FOXO1: variants seen among roughly 807,000 people sequenced by gnomAD.
FOXO1 encodes forkhead box O1.
A neutral mutation model predicts 44.1 loss-of-function variants in FOXO1; 6 were observed. The ratio of observed to expected loss-of-function variants is 0.14; its 90% CI spans 0.07 to 0.27. The LOEUF (loss-of-function observed/expected upper bound fraction) is 0.27, where lower values mean the gene tolerates loss of function less well. FOXO1 is among the 10% of genes least tolerant of loss of function. The pLI, the probability that FOXO1 is intolerant of heterozygous loss-of-function variation, is 1.00. For missense variants in FOXO1, 737 were observed against 888.8 expected (o/e 0.83, Z 2.17); for synonymous variants, 380 against 362.7 (o/e 1.05, Z -0.54).
intron 1 of FOXO1, among the ~76,000 whole-genome samples, chr13:40,638,075 AAATTCT>A (rs1877219951): frequency 6.6e-6 from 1 of 152,196 alleles, no homozygotes; most frequent in Non-Finnish European, 1.5e-5. Context: ...GTATTTTAAA[AAATTCT>A]TGAAATTTGG....
At chr13:40,574,917 T>C (rs1482774873) in intron 1 of FOXO1, among the ~76,000 whole-genome samples, 2 of 152,202 alleles carry the variant, frequency 1.3e-5, no homozygotes, top group South Asian at 2.1e-4. Flanking sequence ...AAATATTTTG[T>C]TCGAAAATTG....
intron 1 of FOXO1, chr13:40,611,057 T>C (rs1309067100): frequency 1.1e-5 from 5 of 456,220 alleles, no homozygotes; most frequent in Non-Finnish European, 2.2e-5. Context: ...AGGAGAAAAG[T>C]TGTATCTTCA....
chr13:40,567,606 C>T (rs1206849528), intron 1 of FOXO1, among the ~76,000 whole-genome samples: 1 of 152,096 alleles, frequency 6.6e-6, no homozygotes, highest in East Asian at 1.9e-4. Context: ...CTTGTGTGCA[C>T]CTTGAGGGAG....
rs138057018 is a variant in FOXO1, at chr13:40,660,948, AAACAACAACAAC to A, written c.630+4623_630+4634del. Reference sequence around the variant, plus strand: ...AACAGAGTGAGACCCTGGCTCAGAAAAACAACAACAACAACAACAACAACAACAACAACAACA... The same window carrying A: ...AACAGAGTGAGACCCTGGCTCAGAAAAACAACAACAACAACAACAACAACA... On this transcript the variant is annotated intron_variant, in intron 1 of 2. Transcript: ENST00000379561. 4.3e-3 allele frequency among the ~76,000 whole-genome samples: 640 copies of A among 149,382 alleles called. 7 individuals are homozygous for A. Among genetic ancestry groups the A allele is most frequent in the East Asian group, 0.021 (103 of 4,996 alleles).
At position 40,603,353 on chromosome 13, in the gene FOXO1, CAAAAAAAAAAA is replaced by C. The variant is rs60741629; in HGVS notation, c.631-42504_631-42494del. On this transcript the variant is annotated intron_variant, in intron 1 of 2. Coordinates refer to ENST00000379561, the MANE Select transcript of FOXO1 (RefSeq NM_002015.4). ...GGAGACCCTAGTTGGCAGATGAATC[CAAAAAAAAAAA>C]AAAAAAAAAAGGTTGAGTTAAAGCA... Among the ~76,000 whole-genome samples the C allele has an allele frequency of 5.0e-4, 37 of 73,944 alleles. 1 individual carries two copies. Among genetic ancestry groups the C allele is most frequent in the South Asian group, 8.5e-4 (2 of 2,356 alleles). 48.5% of individuals were successfully genotyped at this position (73,944 alleles called of 152,430 possible). A position where few individuals can be genotyped will look rare whatever the true frequency, so the allele number is the denominator to read the frequency against.
intron 1 of FOXO1, among the ~76,000 whole-genome samples, chr13:40,627,586 A>G (rs971915092): frequency 6.6e-6 from 1 of 152,136 alleles, no homozygotes; most frequent in Non-Finnish European, 1.5e-5. Context: ...TAATCCCAGC[A>G]CTTTGGGAAG....
chr13:40,637,443 C>CA (rs894457880), intron 1 of FOXO1, among the ~76,000 whole-genome samples: 5,359 of 52,326 alleles, frequency 0.1, 137 homozygotes, highest in Middle Eastern at 0.11. Context: ...GACTCCATCA[C>CA]AAAAAAAAAA....
At chr13:40,620,799 C>CTTTTTTTTTTTTT (rs111991105) in intron 1 of FOXO1, among the ~76,000 whole-genome samples, 15 of 121,230 alleles carry the variant, frequency 1.2e-4, no homozygotes, top group Admixed American at 2.7e-4. Flanking sequence ...CTTCCCCTTG[C>CTTTTTTTTTTTTT]TTTTTTTTTT....
At chr13:40,598,666 G>A (rs567168473) in intron 1 of FOXO1, among the ~76,000 whole-genome samples, 1 of 152,280 alleles carries the variant, frequency 6.6e-6, no homozygotes, top group Non-Finnish European at 1.5e-5. Context: ...CCTTCCTAAT[G>A]TCCCATCTCT....
At chr13:40,577,489 T>G (rs969887745) in intron 1 of FOXO1, among the ~76,000 whole-genome samples, 3 of 152,166 alleles carry the variant, frequency 2.0e-5, no homozygotes, top group Non-Finnish European at 4.4e-5. Flanking sequence ...AAATATTTTG[T>G]AGAATGGGTC....
At chr13:40,634,834 C>T (rs1343131531) in intron 1 of FOXO1, among the ~76,000 whole-genome samples, 2 of 152,070 alleles carry the variant, frequency 1.3e-5, no homozygotes, top group Non-Finnish European at 2.9e-5. Flanking sequence ...CCCACCACCC[C>T]GCCCAGCTAA....
rs996484072 is a variant in FOXO1 at position 40,666,596 on chromosome 13, G to C, written c.-384C>G. 3.5e-5 allele frequency: 7 copies of C among 201,814 alleles called. No individual in the cohort carries two copies. The highest frequency in any genetic ancestry group is 7.1e-5 in the Non-Finnish European group (7 of 98,442). The allele number at this position is 201,814 out of a possible 1,614,324, so 12.5% of individuals were successfully genotyped here. On this transcript the variant is annotated 5_prime_UTR_variant, in exon 1 of 3. Transcript: ENST00000379561. Reference sequence around the variant, plus strand: ...CTGCTGCCTGTTGAATGTGGCGGCTGCGGCAGCGGCTGCTGCGACTACCAG... The same window carrying C: ...CTGCTGCCTGTTGAATGTGGCGGCTCCGGCAGCGGCTGCTGCGACTACCAG...
intron 1 of FOXO1, among the ~76,000 whole-genome samples, chr13:40,588,770 A>G (rs963523194): frequency 6.6e-6 from 1 of 151,858 alleles, no homozygotes. Flanking sequence ...GTCCCTCATA[A>G]AGACAACATA....
intron 1 of FOXO1, chr13:40,619,324 A>G (rs941839274): frequency 7.8e-6 from 4 of 510,364 alleles, no homozygotes; most frequent in African/African-American, 3.9e-5. Flanking sequence ...AAGAAATGGA[A>G]CAAATTACAG....
At chr13:40,630,485 G>A (rs911420646) in intron 1 of FOXO1, among the ~76,000 whole-genome samples, 1 of 151,884 alleles carries the variant, frequency 6.6e-6, no homozygotes, top group African/African-American at 2.4e-5. Flanking sequence ...GAAACCCCGT[G>A]TCCACTAAAA....
chr13:40,562,064 T>G (rs1004877810), intron 1 of FOXO1, among the ~76,000 whole-genome samples: 1 of 151,788 alleles, frequency 6.6e-6, no homozygotes, highest in Non-Finnish European at 1.5e-5. Context: ...TACAAGTGAA[T>G]GTAAGGAAAA....
chr13:40,577,488 G>C (rs1874803036), intron 1 of FOXO1, among the ~76,000 whole-genome samples: 1 of 152,102 alleles, frequency 6.6e-6, no homozygotes, highest in Admixed American at 6.5e-5. Context: ...CAAATATTTT[G>C]TAGAATGGGT....
At chr13:40,620,203 C>T (rs997599806) in intron 1 of FOXO1, 59 of 1,566,546 alleles carry the variant, frequency 3.8e-5, no homozygotes, top group Middle Eastern at 1.7e-4. Flanking sequence ...TGCTGTACTA[C>T]GACATCCAAC....
intron 1 of FOXO1, among the ~76,000 whole-genome samples, chr13:40,628,706 C>G (rs1298304189): frequency 6.6e-6 from 1 of 152,196 alleles, no homozygotes; most frequent in African/African-American, 2.4e-5. Flanking sequence ...CAGATGAGAC[C>G]TGGTGGGAGG....
Sources: allele counts gnomAD v4.1 joint callset (sites outside exome capture counted in the v4.1 genomes callset), GRCh38; gene constraint gnomAD v4.1.1; transcripts MANE v1.5; gene names NCBI Gene and HGNC (gene_info 2026-07-23, HGNC 2026-07-21).